Variants in GALNT14 observed in about 807,000 individuals in gnomAD.
The protein encoded by GALNT14 is polypeptide N-acetylgalactosaminyltransferase 14, also known as UDP-GalNAc:polypeptide N-acetylgalactosaminyltransferase 14.
In GALNT14, 60 loss-of-function variants were observed where a neutral mutation model predicts 77.5. The observed-to-expected ratio is 0.77, with a 90% CI of 0.63 to 0.96. The LOEUF (loss-of-function observed/expected upper bound fraction) is 0.96, where lower values mean the gene tolerates loss of function less well. GALNT14 is among the 40% of genes least tolerant of loss of function. GALNT14 has a pLI of 0.00. For synonymous variants in GALNT14, 280 were observed against 281.7 expected (o/e 0.99, Z 0.06); for missense variants, 710 against 731.0 (o/e 0.97, Z 0.33).
intron 1 of GALNT14, among the ~76,000 whole-genome samples, chr2:31,075,281 G>A (rs1354628915): frequency 6.6e-6 from 1 of 152,204 alleles, no homozygotes; most frequent in Non-Finnish European, 1.5e-5. Flanking sequence ...ATACCCTGCA[G>A]AACCTTGAGC....
intron 1 of GALNT14, among the ~76,000 whole-genome samples, chr2:31,106,528 T>C (rs1677568921): frequency 2.0e-5 from 3 of 152,190 alleles, no homozygotes; most frequent in Admixed American, 2.0e-4. Context: ...ATTTGCCTTT[T>C]TTTCTTTTAT....
intron 1 of GALNT14, among the ~76,000 whole-genome samples, chr2:31,051,874 T>C (rs1324879637): frequency 6.6e-6 from 1 of 152,148 alleles, no homozygotes. Flanking sequence ...TGACAGCAAA[T>C]GACAAAGATT....
At chr2:30,982,857 C>T (rs565339504) in intron 2 of GALNT14, among the ~76,000 whole-genome samples, 8 of 152,196 alleles carry the variant, frequency 5.3e-5, no homozygotes, top group East Asian at 1.9e-4. Context: ...TCTGGTGTTG[C>T]GGCAGATTTT....
chr2:31,000,670 A>G (rs2148420146), intron 1 of GALNT14, among the ~76,000 whole-genome samples: 1 of 152,266 alleles, frequency 6.6e-6, no homozygotes, highest in East Asian at 1.9e-4. Flanking sequence ...TGTTCTTTTA[A>G]GACCTTCAAC....
chr2:31,126,169 T>C (rs1195266518), intron 1 of GALNT14, among the ~76,000 whole-genome samples: 1 of 152,218 alleles, frequency 6.6e-6, no homozygotes. Context: ...CTGAAAGAGA[T>C]AGCTTCTGAT....
intron 2 of GALNT14, among the ~76,000 whole-genome samples, chr2:30,979,959 T>C (rs533087697): frequency 3.3e-5 from 5 of 152,344 alleles, no homozygotes; most frequent in Admixed American, 2.0e-4. Context: ...CCATCCCCAG[T>C]ATCTTTCAAG....
At chr2:31,010,849 C>T (rs554934171) in intron 1 of GALNT14, among the ~76,000 whole-genome samples, 1 of 152,322 alleles carries the variant, frequency 6.6e-6, no homozygotes, top group South Asian at 2.1e-4. Flanking sequence ...GGGCTTTCTG[C>T]CTGGAATACT....
rs540161672 is a variant in GALNT14 at position 31,112,910 on chromosome 2, G to A, written c.129+25048C>T. Among the ~76,000 whole-genome samples the A allele has an allele frequency of 7.9e-5, 12 of 152,294 alleles. No individual in the cohort carries two copies. The East Asian group carries it at 2.3e-3, about 29-fold the overall frequency. ...AGAAGTCCCCAAGTGATCCCAGTAAGGAAGTAATTCCAGTCTAGATGAATT... is the reference window on the plus strand; with the variant it reads ...AGAAGTCCCCAAGTGATCCCAGTAAAGAAGTAATTCCAGTCTAGATGAATT... On this transcript the variant is annotated intron_variant, in intron 1 of 14. Transcript: ENST00000349752.
chr2:31,020,753 A>G (rs932172386), intron 1 of GALNT14, among the ~76,000 whole-genome samples: 2 of 152,106 alleles, frequency 1.3e-5, no homozygotes, highest in South Asian at 2.1e-4. Flanking sequence ...TACAGAGATC[A>G]TTTAGGACAA....
At chr2:31,131,733 G>A (rs531520332) in intron 1 of GALNT14, among the ~76,000 whole-genome samples, 1 of 152,166 alleles carries the variant, frequency 6.6e-6, no homozygotes, top group African/African-American at 2.4e-5. Flanking sequence ...GGAATCCTGG[G>A]CTTCAGGCGT....
At chr2:30,953,685 A>G (rs1184223119) in intron 6 of GALNT14, among the ~76,000 whole-genome samples, 2 of 152,114 alleles carry the variant, frequency 1.3e-5, no homozygotes, top group East Asian at 1.9e-4. Context: ...ACTGGAGGTC[A>G]TTTGTGAAGC....
intron 4 of GALNT14, 143 bp downstream of exon 4, chr2:30,958,252 CCA>C: frequency 1.7e-6 from 1 of 600,984 alleles, no homozygotes; most frequent in Non-Finnish European, 2.9e-6. Flanking sequence ...CTGAGCCTAG[CCA>C]CGGACGCTCA....
intron 1 of GALNT14, among the ~76,000 whole-genome samples, chr2:31,019,764 T>C (rs1332515910): frequency 6.6e-6 from 1 of 152,174 alleles, no homozygotes; most frequent in Non-Finnish European, 1.5e-5. Flanking sequence ...AAGACCTACT[T>C]GGAACATCAG....
intron 1 of GALNT14, among the ~76,000 whole-genome samples, chr2:31,028,478 C>A (rs1371064917): frequency 2.6e-5 from 4 of 152,254 alleles, no homozygotes; most frequent in Non-Finnish European, 4.4e-5. Flanking sequence ...TTCAGGGCAA[C>A]TGCCCTCCAC....
chr2:30,977,737 T>C (rs1668724284), intron 2 of GALNT14, among the ~76,000 whole-genome samples: 1 of 152,090 alleles, frequency 6.6e-6, no homozygotes, highest in Non-Finnish European at 1.5e-5. Context: ...GGGACTCACA[T>C]CCGTGCGCCA....
intron 1 of GALNT14, chr2:31,114,903 T>C: frequency 2.9e-6 from 2 of 700,646 alleles, no homozygotes; most frequent in Non-Finnish European, 5.3e-6. Flanking sequence ...GAAAAAGTAT[T>C]ATGACTTCAG....
At chr2:30,958,727 C>T (rs1202007878) in intron 3 of GALNT14, among the ~76,000 whole-genome samples, 1 of 152,074 alleles carries the variant, frequency 6.6e-6, no homozygotes, top group African/African-American at 2.4e-5. Flanking sequence ...TCCCTGAAAC[C>T]CCACAGCAAA....
chr2:30,886,942 C>T, the GALNT14 span, among the ~76,000 whole-genome samples: 1 of 152,222 alleles, frequency 6.6e-6, no homozygotes, highest in South Asian at 2.1e-4. Context: ...GCCAGTTTGC[C>T]TTCTGTCTTC....
intron 1 of GALNT14, among the ~76,000 whole-genome samples, chr2:31,119,683 ACT>A (rs1461346991): frequency 2.6e-5 from 4 of 152,136 alleles, no homozygotes; most frequent in Non-Finnish European, 2.9e-5. Flanking sequence ...CAGAATTCCC[ACT>A]CCTCAAAAGT....
Sources: allele counts gnomAD v4.1 joint callset (sites outside exome capture counted in the v4.1 genomes callset), GRCh38; gene constraint gnomAD v4.1.1; transcripts MANE v1.5; gene names NCBI Gene and HGNC (gene_info 2026-07-23, HGNC 2026-07-21).